The following PPP4R3B variants were observed in gnomAD, a reference collection of about 807,000 sequenced individuals.
PPP4R3B encodes protein phosphatase 4 regulatory subunit 3B, also known as serine/threonine-protein phosphatase 4 regulatory subunit 3B.
Under a neutral mutation model 95.4 loss-of-function variants are expected in PPP4R3B, and 52 were observed. The ratio of observed to expected loss-of-function variants is 0.54; its 90% CI spans 0.44 to 0.69. The LOEUF (loss-of-function observed/expected upper bound fraction) is 0.69. PPP4R3B is among the 30% of genes least tolerant of loss of function. PPP4R3B has a pLI of 0.00. For missense variants in PPP4R3B, 1,003 were observed against 1,005.9 expected (o/e 1.00, Z 0.04); for synonymous variants, 407 against 343.9 (o/e 1.18, Z -2.03).
chr2:55,553,929 C>T (rs1049947076), intron 16 of PPP4R3B, among the ~76,000 whole-genome samples: 3 of 152,074 alleles, frequency 2.0e-5, no homozygotes, highest in Non-Finnish European at 1.5e-5. Context: ...ACAAGTTTTA[C>T]AGTGGACACA....
chr2:55,615,229 T>C (rs1258263434), intron 2 of PPP4R3B: 3 of 489,126 alleles, frequency 6.1e-6, no homozygotes, highest in Admixed American at 8.0e-5. Flanking sequence ...AATAAATACA[T>C]CTTAGAATAA....
chr2:55,589,912 T>A (rs544572636), intron 4 of PPP4R3B, among the ~76,000 whole-genome samples: 1 of 117,478 alleles, frequency 8.5e-6, no homozygotes, highest in Admixed American at 8.7e-5. Flanking sequence ...CGAGACTCCA[T>A]CTCAAAAAAA....
chr2:55,550,127 CATTTGA>C (rs1158425401), intron 16 of PPP4R3B, 121 bp from the exon 17 acceptor site: 1 of 691,128 alleles, frequency 1.4e-6, no homozygotes, highest in African/African-American at 1.8e-5. Flanking sequence ...CAGAAATTAA[CATTTGA>C]ATTTGATAAA....
intron 15 of PPP4R3B, 28 bp downstream of exon 15, chr2:55,564,285 A>G: frequency 6.3e-7 from 1 of 1,591,754 alleles, no homozygotes; most frequent in Non-Finnish European, 8.6e-7. Context: ...AAGAGGGTAC[A>G]CTGTGCAAAA....
Position 55,589,832 on chromosome 2 carries a change from C to T in PPP4R3B, c.922-876G>A, listed in dbSNP as rs188265125. 3.1e-3 allele frequency among the ~76,000 whole-genome samples: 456 copies of T among 149,106 alleles called. 5 individuals are homozygous for T. Among genetic ancestry groups the T allele is most frequent in the South Asian group, 0.014 (68 of 4,742 alleles). On this transcript the variant is annotated intron_variant, in intron 4 of 16. Transcript: ENST00000616407. ...CTGGGAGGCTGAGGCAGGAGAATGG[C>T]GTGAACCCGGGAGGGGGAGCTTGCA...
chr2:55,604,042 T>C lies in PPP4R3B; in HGVS notation c.233A>G (p.Tyr78Cys), dbSNP rs1247226113. The C allele has an allele frequency of 1.9e-6, 3 of 1,609,660 alleles. No individual in the cohort carries two copies. Among genetic ancestry groups the C allele is most frequent in the Admixed American group, 1.7e-5 (1 of 59,464 alleles). ...TLIVWSEAEN[Y>C]DLALSFQEKA... ...CTCCTGAAAACTCAGAGCCAAATCA[T>C]AGTTCTCTGCTTCTGACCAAACAAT... is the stretch of plus-strand genomic sequence containing the variant. The change falls in exon 3 of 17, where the codon TAT becomes TGT. Residue 78 changes from tyrosine to cysteine, a missense_variant. Around this residue, in one of 3 missense-constraint regions of PPP4R3B, gnomAD observed 695 missense variants for 686.2 expected, o/e 1.01. Transcript: ENST00000616407.
chr2:55,559,106 G>C, intron 15 of PPP4R3B, 138 bp from the exon 16 acceptor site: 1 of 628,100 alleles, frequency 1.6e-6, no homozygotes, highest in East Asian at 3.0e-5. Flanking sequence ...CCAACACTTT[G>C]GGAGGCTGAG....
Position 55,564,756 on chromosome 2 carries a change from G to T in PPP4R3B, c.2075+146C>A, listed in dbSNP as rs551943350. 4 of 878,882 alleles carry T rather than the reference G, an allele frequency of 4.6e-6. No homozygotes were observed. The South Asian group carries it at 6.7e-5, about 15-fold the overall frequency. The allele number at this position is 878,882 out of a possible 1,614,324, so 54.4% of individuals were successfully genotyped here. A position where few individuals can be genotyped will look rare whatever the true frequency, so the allele number is the denominator to read the frequency against. On this transcript the variant is annotated intron_variant, in intron 14 of 16. Transcript: ENST00000616407. ...TCAACATATAAATGATATGGGGTAG[G>T]GGGGACGCCTTACCCTCCTATTCAA...
At chr2:55,616,352 A>G (rs1048636584) in intron 1 of PPP4R3B, among the ~76,000 whole-genome samples, 2 of 152,232 alleles carry the variant, frequency 1.3e-5, no homozygotes, top group Admixed American at 1.3e-4. Context: ...AAGAATACAA[A>G]ATATGTCAAG....
intron 16 of PPP4R3B, among the ~76,000 whole-genome samples, chr2:55,557,069 G>GACA (rs1685943461): frequency 6.6e-6 from 1 of 151,820 alleles, no homozygotes. Flanking sequence ...TAACAACAAC[G>GACA]ACGACGACGA....
In PPP4R3B at chr2:55,578,312, C is replaced by A; in HGVS notation, c.1499G>T (p.Trp500Leu). ...DFFLKHYRYS[W>L]SFICTPSHSH... ...ATGTGAAGGGGTACATATGAAACTCCAACTATATCTGTAATGTTTTAAAAA... is the reference window on the plus strand; with the variant it reads ...ATGTGAAGGGGTACATATGAAACTCAAACTATATCTGTAATGTTTTAAAAA... Residue 500 changes from tryptophan to leucine, a missense_variant, in exon 10 of 17, where the codon TGG becomes TTG. Trp to Leu is a moderately conservative substitution (Grantham distance 61). Around this residue, in one of 3 missense-constraint regions of PPP4R3B, gnomAD observed 695 missense variants for 686.2 expected, o/e 1.01. Transcript: ENST00000616407. The A allele has an allele frequency of 6.9e-7, 1 of 1,447,956 alleles. No individual in the cohort carries two copies. Among genetic ancestry groups the A allele is most frequent in the South Asian group, 1.6e-5 (1 of 61,624 alleles). The allele number at this position is 1,447,956 out of a possible 1,614,324, so 89.7% of individuals were successfully genotyped here.
chr2:55,601,049 A>C (rs1228572318), intron 3 of PPP4R3B, among the ~76,000 whole-genome samples: 1 of 150,758 alleles, frequency 6.6e-6, no homozygotes, highest in Non-Finnish European at 1.5e-5. Flanking sequence ...AGGGAGGCTG[A>C]AGTGAGAATC....
At chr2:55,566,033 T>A (rs1687251486) in intron 13 of PPP4R3B, among the ~76,000 whole-genome samples, 1 of 152,146 alleles carries the variant, frequency 6.6e-6, no homozygotes, top group Non-Finnish European at 1.5e-5. Flanking sequence ...ACTTCTAAAT[T>A]CTAAACCATC....
chr2:55,608,572 G>A (rs2103827774), intron 2 of PPP4R3B, among the ~76,000 whole-genome samples: 2 of 152,238 alleles, frequency 1.3e-5, no homozygotes, highest in East Asian at 3.9e-4. Flanking sequence ...CTTGGACTAT[G>A]CAGCAATCTC....
intron 2 of PPP4R3B, 116 bp from the exon 3 acceptor site, chr2:55,604,192 G>A (rs896921395): frequency 1.6e-6 from 1 of 610,242 alleles, no homozygotes; most frequent in African/African-American, 1.9e-5. Context: ...CCCGATATGA[G>A]TAATCAATGT....
Position 55,603,969 on chromosome 2 carries a change from G to C in PPP4R3B, c.297+9C>G. On this transcript the variant is annotated intron_variant, in intron 3 of 16. Transcript: ENST00000616407. ...AACATTAAGTTAAATATTATAAAAA[G>C]AAACTTACCTGACAAATTTTTTCCC... The C allele has an allele frequency of 6.3e-7, 1 of 1,581,800 alleles. No homozygotes were observed. Among genetic ancestry groups the C allele is most frequent in the East Asian group, 2.2e-5 (1 of 44,498 alleles).
At chr2:55,561,180 C>T (rs779168865) in intron 15 of PPP4R3B, among the ~76,000 whole-genome samples, 3 of 152,014 alleles carry the variant, frequency 2.0e-5, no homozygotes, top group African/African-American at 4.8e-5. Context: ...GGCTTTAGAG[C>T]GTGCAAGCCC....
At position 55,610,885 on chromosome 2, in the gene PPP4R3B, TG is replaced by T. The variant is rs1463816538; in HGVS notation, c.198+4565del. ...ATGACTCTGGTTTTTTTTTTTTTTT[TG>T]AGAGAGTCTTCCTCTATCGCCCAGG... On this transcript the variant is annotated intron_variant, in intron 2 of 16. Coordinates refer to ENST00000616407, the MANE Select transcript of PPP4R3B (RefSeq NM_001122964.3). Among the ~76,000 whole-genome samples, 18 of 151,538 alleles carry T rather than the reference TG, an allele frequency of 1.2e-4. No individual in the cohort carries two copies. The South Asian group carries it at 1.5e-3, about 12-fold the overall frequency.
At chr2:55,604,916 T>C (rs761451602) in intron 2 of PPP4R3B, among the ~76,000 whole-genome samples, 2 of 152,044 alleles carry the variant, frequency 1.3e-5, no homozygotes, top group African/African-American at 4.8e-5. Flanking sequence ...CACGACTCAC[T>C]GCAGCCTCGA....
Sources: allele counts gnomAD v4.1 joint callset (sites outside exome capture counted in the v4.1 genomes callset), GRCh38; gene constraint gnomAD v4.1.1; regional missense constraint gnomAD v4.1.1; transcripts MANE v1.5; gene names NCBI Gene and HGNC (gene_info 2026-07-23, HGNC 2026-07-21).